The following TOGARAM2 variants were observed in gnomAD, a reference collection of about 807,000 sequenced individuals.
The protein encoded by TOGARAM2 is TOG array regulator of axonemal microtubules 2, also known as TOG array regulator of axonemal microtubules protein 2.
In TOGARAM2, 85 loss-of-function variants were observed where a neutral mutation model predicts 93.3. That is an observed-to-expected ratio of 0.91 (90% confidence interval 0.76 to 1.09). The LOEUF is 1.09. TOGARAM2 is among the 50% of genes least tolerant of loss of function. The pLI is 0.00. For synonymous variants in TOGARAM2, 593 were observed against 552.8 expected, an observed-to-expected ratio of 1.07 and a Z score of -1.02; for missense variants, 1,277 against 1,334.5, an observed-to-expected ratio of 0.96 and a Z score of 0.67.
intron 1 of TOGARAM2, among the ~76,000 whole-genome samples, chr2:28,975,561 A>G (rs1262618046): frequency 6.6e-6 from 1 of 152,168 alleles, no homozygotes; most frequent in East Asian, 1.9e-4. Context: ...AAGCATTTTT[A>G]TGATGACTAT....
intron 18 of TOGARAM2, among the ~76,000 whole-genome samples, chr2:29,038,677 T>G (rs1450764392): frequency 6.6e-6 from 1 of 152,148 alleles, no homozygotes; most frequent in African/African-American, 2.4e-5. Flanking sequence ...ACTCCTGACC[T>G]CAGGCGATCC....
At chr2:29,025,965 C>A (rs959975854) in intron 13 of TOGARAM2, among the ~76,000 whole-genome samples, 3 of 152,112 alleles carry the variant, frequency 2.0e-5, no homozygotes, top group Non-Finnish European at 4.4e-5. Context: ...AGGGAAGCAC[C>A]AGGGGCCTGG....
In TOGARAM2 at chr2:28,994,905, C is replaced by G. The variant is rs775948077; in HGVS notation, c.28+43C>G. The G allele has an allele frequency of 1.0e-5, 16 of 1,550,632 alleles. No individual in the cohort carries two copies. The South Asian group carries it at 1.8e-4, about 17-fold the overall frequency. On this transcript the variant is annotated intron_variant, in intron 2 of 19. Transcript: ENST00000379558. ...AGGCCTGCTGCTGGTGTTTTCCAGG[C>G]TAGGGGACCTGCCTCGGACACTCCC...
At chr2:28,981,209 A>G (rs1211887585), upstream of TOGARAM2, 2 of 152,288 alleles carry the variant, frequency 1.3e-5, no homozygotes, top group African/African-American at 4.8e-5. Flanking sequence ...CACAGAGGCA[A>G]TGAGACCAAG....
At chr2:29,019,542 G>A (rs1664805281) in intron 10 of TOGARAM2, among the ~76,000 whole-genome samples, 1 of 152,132 alleles carries the variant, frequency 6.6e-6, no homozygotes, top group African/African-American at 2.4e-5. Flanking sequence ...TCAAGGTCAT[G>A]GTGCCCCATA....
rs562359228 is a variant in TOGARAM2 at position 29,037,390 on chromosome 2, C to T, written c.2635+633C>T. Among the ~76,000 whole-genome samples the T allele has an allele frequency of 3.3e-5, 5 of 152,300 alleles. No individual in the cohort carries two copies. The South Asian group carries it at 1.0e-3, about 32-fold the overall frequency. On this transcript the variant is annotated intron_variant, in intron 18 of 19. Transcript: ENST00000379558. ...AGCACATGAGTAGACTTATGGCCAG[C>T]CCAGTACAAGGACGAGCTTTCCCAA...
chr2:29,000,489 G>T (rs1411178129), intron 4 of TOGARAM2, among the ~76,000 whole-genome samples: 1 of 152,096 alleles, frequency 6.6e-6, no homozygotes, highest in African/African-American at 2.4e-5. Context: ...TCAACACCTG[G>T]CATATGGGAA....
intron 1 of TOGARAM2, among the ~76,000 whole-genome samples, chr2:28,976,124 A>C (rs886838818): frequency 3.3e-5 from 5 of 152,210 alleles, no homozygotes; most frequent in African/African-American, 1.2e-4. Flanking sequence ...TAATCCCAGC[A>C]CTTTGGGAGG....
At chr2:29,032,335 A>G (rs1211210637) in intron 14 of TOGARAM2, among the ~76,000 whole-genome samples, 1 of 152,112 alleles carries the variant, frequency 6.6e-6, no homozygotes, top group East Asian at 1.9e-4. Flanking sequence ...TGTTCCTCCG[A>G]CGTATCCCAA....
At chr2:29,044,398 A>G (rs756690618) in intron 18 of TOGARAM2, among the ~76,000 whole-genome samples, 11 of 152,068 alleles carry the variant, frequency 7.2e-5, no homozygotes, top group Non-Finnish European at 1.2e-4. Context: ...ACCATTGATG[A>G]TAATATGTGC....
chr2:29,005,201 A>C (rs1673629779), intron 6 of TOGARAM2, among the ~76,000 whole-genome samples: 1 of 54,632 alleles, frequency 1.8e-5, no homozygotes, highest in African/African-American at 4.3e-5. Flanking sequence ...GTGTGTGTGC[A>C]TGTGTGTGGG....
chr2:29,029,841 G>C (rs1237055412), intron 14 of TOGARAM2, among the ~76,000 whole-genome samples: 2 of 151,922 alleles, frequency 1.3e-5, no homozygotes, highest in African/African-American at 4.8e-5. Context: ...GCTGCAAATA[G>C]GGTTCAATGT....
Position 29,017,295 on chromosome 2 carries a change from A to G in TOGARAM2, c.1186A>G (p.Met396Val). 3 of 1,607,694 alleles carry G rather than the reference A, an allele frequency of 1.9e-6. No individual in the cohort carries two copies. Among genetic ancestry groups the G allele is most frequent in the Non-Finnish European group, 2.5e-6 (3 of 1,177,204 alleles). ...SQCLGSQRAF[M>V]KEGLLPLRGS... ...GTGCCTGGGCTCCCAGAGAGCCTTC[A>G]TGAAGGAAGGTACTGGGTGCCTGGT... The change falls in exon 9 of 20, where the codon ATG becomes GTG. Residue 396 changes from methionine to valine, a missense_variant. Met to Val is a conservative substitution (Grantham distance 21). Coordinates refer to ENST00000379558, the MANE Select transcript of TOGARAM2 (RefSeq NM_199280.4).
chr2:29,018,729 C>CT (rs1176323938), intron 10 of TOGARAM2, among the ~76,000 whole-genome samples: 1 of 152,028 alleles, frequency 6.6e-6, no homozygotes, highest in Non-Finnish European at 1.5e-5. Flanking sequence ...TTTAGCACCT[C>CT]TTTTTTTATT....
At chr2:29,020,008 T>C (rs1439659495) in intron 10 of TOGARAM2, among the ~76,000 whole-genome samples, 2 of 152,236 alleles carry the variant, frequency 1.3e-5, no homozygotes, top group African/African-American at 4.8e-5. Flanking sequence ...CTCATTCTTC[T>C]GGTCACTGCG....
Position 28,983,190 on chromosome 2 carries a change from ATATATATATTTTTTTTTTTTTT to A in TOGARAM2, c.-111+1654_-111+1675del, listed in dbSNP as rs1264306260. Reference sequence around the variant, plus strand: ...TGTGTATATATAAATATATATATATATATATATATTTTTTTTTTTTTTTTTTTTTTTTTTTTGTAGAGATGGG... The same window carrying A: ...TGTGTATATATAAATATATATATATATTTTTTTTTTTTTTGTAGAGATGGG... On this transcript the variant is annotated intron_variant, in intron 1 of 19. Transcript: ENST00000379558. Among the ~76,000 whole-genome samples the A allele has an allele frequency of 2.4e-4, 12 of 49,006 alleles. No homozygotes were observed. The South Asian group carries it at 5.2e-3, about 21-fold the overall frequency. The allele number at this position is 49,006 out of a possible 152,430, so 32.1% of individuals were successfully genotyped here.
At position 29,033,686 on chromosome 2, in the gene TOGARAM2, G is replaced by A. The variant is rs578117277; in HGVS notation, c.2225+123G>A. The A allele has an allele frequency of 1.6e-5, 13 of 818,994 alleles. No individual in the cohort carries two copies. The Admixed American group carries it at 3.0e-4, about 19-fold the overall frequency. The allele number at this position is 818,994 out of a possible 1,614,324, so 50.7% of individuals were successfully genotyped here. A position where few individuals can be genotyped will look rare whatever the true frequency, so the allele number is the denominator to read the frequency against. On this transcript the variant is annotated intron_variant, in intron 16 of 19. Coordinates refer to ENST00000379558, the MANE Select transcript of TOGARAM2 (RefSeq NM_199280.4). Reference sequence around the variant, plus strand: ...GGATCTGGGGTATCGCTGAGACCTAGTTGGGGCTGCAATACTAATAGATGA... The same window carrying A: ...GGATCTGGGGTATCGCTGAGACCTAATTGGGGCTGCAATACTAATAGATGA...
At chr2:29,041,003 A>C (rs1666400683) in intron 18 of TOGARAM2, among the ~76,000 whole-genome samples, 1 of 150,966 alleles carries the variant, frequency 6.6e-6, no homozygotes, top group Middle Eastern at 3.5e-3. Flanking sequence ...AAGCATTTGC[A>C]GATGATTATA....
chr2:29,005,999 T>TGTGCAGG (rs1181524067), intron 6 of TOGARAM2, among the ~76,000 whole-genome samples: 1 of 146,498 alleles, frequency 6.8e-6, no homozygotes, highest in Non-Finnish European at 1.5e-5. Flanking sequence ...GTGTAGGGTG[T>TGTGCAGG]GTATGTGTGC....
Sources: gnomAD v4.1 joint callset for allele counts (sites outside exome capture counted in the v4.1 genomes callset) on GRCh38, gnomAD v4.1.1 for gene constraint, MANE v1.5 for transcripts, NCBI Gene and HGNC (gene_info 2026-07-23, HGNC 2026-07-21) for gene names.